The following DISP1 variants were observed in gnomAD, a reference collection of about 807,000 sequenced individuals.
The protein encoded by DISP1 is dispatched RND transporter family member 1, also known as protein dispatched homolog 1.
DISP1 carries 30 observed loss-of-function variants against 37.3 expected under a neutral mutation model. That is an observed-to-expected ratio of 0.80 (90% confidence interval 0.60 to 1.09). DISP1 has a LOEUF of 1.09. Ranked by LOEUF, DISP1 falls within the 50% of genes least tolerant of loss-of-function variation. DISP1 has a pLI of 0.00. For synonymous variants in DISP1, 634 were observed against 690.2 expected (o/e 0.92, Z 1.28); for missense variants, 1,598 against 1,879.5 (o/e 0.85, Z 2.77).
intron 2 of DISP1, among the ~76,000 whole-genome samples, chr1:222,937,249 T>G (rs1222012712): frequency 6.6e-6 from 1 of 150,684 alleles, no homozygotes; most frequent in Non-Finnish European, 1.5e-5. Context: ...GCCACCACGC[T>G]CGGCTAATTT....
At chr1:222,852,509 A>G (rs1035939769) in intron 1 of DISP1, among the ~76,000 whole-genome samples, 1 of 152,020 alleles carries the variant, frequency 6.6e-6, no homozygotes, top group African/African-American at 2.4e-5. Flanking sequence ...GCCCGGCACC[A>G]AAGTTGTTTT....
intron 1 of DISP1, among the ~76,000 whole-genome samples, chr1:222,915,056 A>G (rs894390322): frequency 7.9e-5 from 12 of 152,210 alleles, no homozygotes; most frequent in Non-Finnish European, 2.9e-5. Flanking sequence ...CTGGCTTTCT[A>G]AAATCTGAGT....
At chr1:222,820,485 GC>G (rs747095896) in intron 1 of DISP1, among the ~76,000 whole-genome samples, 1 of 152,138 alleles carries the variant, frequency 6.6e-6, no homozygotes, top group Non-Finnish European at 1.5e-5. Flanking sequence ...AGATAGAAAA[GC>G]ATGGTGCTTT....
intron 1 of DISP1, among the ~76,000 whole-genome samples, chr1:222,842,089 AAG>A (rs2125291892): frequency 6.6e-6 from 1 of 152,248 alleles, no homozygotes; most frequent in Non-Finnish European, 1.5e-5. Context: ...TGGTCTAGGA[AAG>A]AGGTCTGAAG....
intron 1 of DISP1, among the ~76,000 whole-genome samples, chr1:222,826,119 G>C (rs1664322961): frequency 6.6e-6 from 1 of 151,954 alleles, no homozygotes; most frequent in Non-Finnish European, 1.5e-5. Context: ...GCCTATGTTG[G>C]TCTTGAACTC....
At chr1:222,872,690 A>G (rs1157444891) in intron 1 of DISP1, among the ~76,000 whole-genome samples, 22 of 152,072 alleles carry the variant, frequency 1.4e-4, no homozygotes, top group Admixed American at 1.3e-3. Context: ...TCTTGCTAGC[A>G]GTCTATCAAT....
chr1:222,858,852 A>C (rs1668708823), intron 1 of DISP1, among the ~76,000 whole-genome samples: 1 of 152,190 alleles, frequency 6.6e-6, no homozygotes, highest in Non-Finnish European at 1.5e-5. Context: ...GCGAGGTTGC[A>C]GAGACATAGG....
chr1:222,884,607 G>A (rs1423241514), intron 1 of DISP1, among the ~76,000 whole-genome samples: 1 of 152,138 alleles, frequency 6.6e-6, no homozygotes, highest in Non-Finnish European at 1.5e-5. Flanking sequence ...CCTACAGAAG[G>A]GATGCTGTAT....
rs144880369 is a variant in DISP1, at chr1:222,854,426, G to A, written c.-159+39348G>A. ...TGCTTATAAAACCATCAGATCTTGT[G>A]AGACTCACTCTTTATCACGAGAACA... On this transcript the variant is annotated intron_variant, in intron 1 of 8. Coordinates refer to ENST00000675850, the MANE Select transcript of DISP1 (RefSeq NM_001377229.1). 6.1e-3 allele frequency among the ~76,000 whole-genome samples: 924 copies of A among 152,234 alleles called. 13 individuals are homozygous for A. Among genetic ancestry groups the A allele is most frequent in the African/African-American group, 0.021 (868 of 41,546 alleles).
chr1:222,886,670 A>T (rs943581808), intron 1 of DISP1, among the ~76,000 whole-genome samples: 6 of 152,188 alleles, frequency 3.9e-5, no homozygotes, highest in African/African-American at 1.4e-4. Flanking sequence ...TGATGTCAGA[A>T]CTGTTTTGAG....
At chr1:222,853,902 C>T (rs567158714) in intron 1 of DISP1, among the ~76,000 whole-genome samples, 2 of 152,116 alleles carry the variant, frequency 1.3e-5, no homozygotes, top group South Asian at 4.2e-4. Context: ...TTGAGCATTC[C>T]CAACACAAAG....
At chr1:222,827,520 G>A (rs1447895500) in intron 1 of DISP1, 1 of 152,068 alleles carries the variant, frequency 6.6e-6, no homozygotes, top group Non-Finnish European at 1.5e-5. Flanking sequence ...CTAAACTCAC[G>A]AAATAATCTT....
chr1:222,998,935 C>T (rs376877693), intron 8 of DISP1, among the ~76,000 whole-genome samples: 5 of 152,138 alleles, frequency 3.3e-5, no homozygotes, highest in Admixed American at 2.0e-4. Flanking sequence ...TCCCCTTAAA[C>T]GTTTAATACA....
chr1:222,855,822 G>A (rs1239622891), intron 1 of DISP1, among the ~76,000 whole-genome samples: 1 of 151,222 alleles, frequency 6.6e-6, no homozygotes, highest in Non-Finnish European at 1.5e-5. Flanking sequence ...ATAGAGGTGT[G>A]TGATTTGAAT....
chr1:222,891,012 T>A (rs1670908804), intron 1 of DISP1, among the ~76,000 whole-genome samples: 1 of 152,110 alleles, frequency 6.6e-6, no homozygotes, highest in African/African-American at 2.4e-5. Flanking sequence ...CCAAATAAGG[T>A]CACATTCTGA....
At chr1:222,868,310 T>C (rs1406879613) in intron 1 of DISP1, among the ~76,000 whole-genome samples, 2 of 152,094 alleles carry the variant, frequency 1.3e-5, no homozygotes, top group African/African-American at 2.4e-5. Flanking sequence ...GTAATATGTG[T>C]TATCCAATGA....
chr1:222,998,937 T>C (rs989786648), intron 8 of DISP1, among the ~76,000 whole-genome samples: 1 of 152,082 alleles, frequency 6.6e-6, no homozygotes, highest in Non-Finnish European at 1.5e-5. Context: ...CCCTTAAACG[T>C]TTAATACATA....
In DISP1 at chr1:222,943,286, G is replaced by T; in HGVS notation, c.463G>T (p.Asp155Tyr). 1 of 1,614,164 alleles carries T rather than the reference G, an allele frequency of 6.2e-7. No individual in the cohort carries two copies. The highest frequency in any genetic ancestry group is 1.1e-5 in the South Asian group (1 of 91,060). The change falls in exon 3 of 9, where the codon GAC (aspartate) becomes TAC (tyrosine). Residue 155 changes from aspartate to tyrosine, a missense_variant. By Grantham distance (160) the Asp-to-Tyr change is radical (BLOSUM62 -3). Transcript: ENST00000675850. ...PSFCLHHPWP[D>Y]HFQHQPVQQH... ...CTTCTGCCTGCATCATCCGTGGCCT[G>T]ACCATTTTCAGCATCAGCCTGTGCA...
chr1:222,839,193 T>C (rs566336140), intron 1 of DISP1, among the ~76,000 whole-genome samples: 2 of 152,320 alleles, frequency 1.3e-5, no homozygotes, highest in African/African-American at 4.8e-5. Context: ...AGGCCTGAGC[T>C]GTGCCTCCTG....
Sources: allele counts gnomAD v4.1 joint callset (sites outside exome capture counted in the v4.1 genomes callset), GRCh38; gene constraint gnomAD v4.1.1; transcripts MANE v1.5; gene names NCBI Gene and HGNC (gene_info 2026-07-23, HGNC 2026-07-21).